Variants in CNTN3 observed in about 807,000 individuals in gnomAD.
CNTN3 encodes contactin-3.
CNTN3 carries 60 observed loss-of-function variants against 119.1 expected under a neutral mutation model. That is an observed-to-expected ratio of 0.50 (90% CI 0.41 to 0.62). The LOEUF is 0.62. Among genes scored for constraint, CNTN3 ranks in the 20% least tolerant of loss-of-function variants. CNTN3 has a pLI of 0.00. For synonymous variants in CNTN3, 450 were observed against 438.7 expected (o/e 1.03, Z -0.32); for missense variants, 1,101 against 1,242.4 (o/e 0.89, Z 1.71).
intron 4 of CNTN3, among the ~76,000 whole-genome samples, chr3:74,480,044 T>C (rs1575767118): frequency 6.6e-6 from 1 of 152,118 alleles, no homozygotes; most frequent in East Asian, 1.9e-4. Flanking sequence ...TGGATATCCT[T>C]TACAAAGTCA....
At chr3:74,290,275 T>C (rs1702199277) in intron 19 of CNTN3, among the ~76,000 whole-genome samples, 1 of 152,242 alleles carries the variant, frequency 6.6e-6, no homozygotes, top group South Asian at 2.1e-4. Flanking sequence ...AGCATGTTAC[T>C]GTACTGAATA....
chr3:74,572,480 G>A (rs375369291), intron 1 of CNTN3, among the ~76,000 whole-genome samples: 3 of 151,870 alleles, frequency 2.0e-5, no homozygotes, highest in South Asian at 2.1e-4. Flanking sequence ...GGAAGAGTTC[G>A]ATCTATTTAT....
At chr3:74,598,746 T>G (rs1559674186) in intron 1 of CNTN3, among the ~76,000 whole-genome samples, 7 of 152,052 alleles carry the variant, frequency 4.6e-5, no homozygotes. Context: ...TCTAGTAATA[T>G]CAACCATTTA....
At chr3:74,486,343 A>G (rs1260077434) in intron 4 of CNTN3, 113 bp downstream of exon 4, 1 of 915,220 alleles carries the variant, frequency 1.1e-6, no homozygotes, top group Non-Finnish European at 1.6e-6. Context: ...TTCTCAGTCT[A>G]TTTACTGAAT....
intron 19 of CNTN3, among the ~76,000 whole-genome samples, chr3:74,288,573 C>T (rs962019127): frequency 3.3e-5 from 5 of 152,128 alleles, no homozygotes; most frequent in African/African-American, 1.2e-4. Context: ...TATTATGGCA[C>T]ATTAATTACA....
intron 5 of CNTN3, among the ~76,000 whole-genome samples, chr3:74,394,440 G>T (rs1336351665): frequency 6.6e-6 from 1 of 152,070 alleles, no homozygotes; most frequent in Non-Finnish European, 1.5e-5. Flanking sequence ...AATGGCAAAA[G>T]ATCTATCATT....
At chr3:74,523,604 C>A (rs1703574343) in intron 1 of CNTN3, among the ~76,000 whole-genome samples, 1 of 151,674 alleles carries the variant, frequency 6.6e-6, no homozygotes, top group Non-Finnish European at 1.5e-5. Context: ...TCGGCAATAA[C>A]AGAATAACAG....
intron 5 of CNTN3, among the ~76,000 whole-genome samples, chr3:74,408,685 T>C (rs923958073): frequency 1.3e-5 from 2 of 152,110 alleles, no homozygotes; most frequent in Admixed American, 6.6e-5. Context: ...ATTTATGTTC[T>C]AGACTTTTCA....
chr3:74,280,330 G>A (rs1701977863), intron 20 of CNTN3, among the ~76,000 whole-genome samples: 1 of 152,094 alleles, frequency 6.6e-6, no homozygotes, highest in Admixed American at 6.6e-5. Context: ...TTTTCCCCAA[G>A]TATACTCACA....
intron 1 of CNTN3, among the ~76,000 whole-genome samples, chr3:74,589,706 C>T (rs1368306176): frequency 6.7e-6 from 1 of 150,226 alleles, no homozygotes; most frequent in East Asian, 1.9e-4. Flanking sequence ...TGGAACCAAC[C>T]CAAATGTCCA....
intron 1 of CNTN3, among the ~76,000 whole-genome samples, chr3:74,594,273 CT>C (rs59436860): frequency 0.055 from 6,209 of 112,070 alleles, 147 homozygotes; most frequent in African/African-American, 0.088. Flanking sequence ...TTCTTTTTTT[CT>C]TTTTTTTTTT....
chr3:74,571,712 T>C (rs141062752), intron 1 of CNTN3, among the ~76,000 whole-genome samples: 60 of 152,258 alleles, frequency 3.9e-4, no homozygotes, highest in African/African-American at 1.4e-3. Context: ...AATCCTGCCA[T>C]TTATTTAGAT....
At chr3:74,282,744 T>C (rs1702038208) in intron 20 of CNTN3, among the ~76,000 whole-genome samples, 1 of 152,192 alleles carries the variant, frequency 6.6e-6, no homozygotes. Context: ...TATTTAGAGC[T>C]ACCAGTAACA....
At chr3:74,323,879 G>T (rs1404507011) in intron 13 of CNTN3, among the ~76,000 whole-genome samples, 1 of 151,880 alleles carries the variant, frequency 6.6e-6, no homozygotes, top group East Asian at 1.9e-4. Flanking sequence ...CCAGAGATGA[G>T]ATTTTTTTTA....
At chr3:74,442,152 C>T (rs11707775) in intron 4 of CNTN3, among the ~76,000 whole-genome samples, 30,762 of 127,482 alleles carry the variant, frequency 0.24, 3,236 homozygotes, top group Admixed American at 0.32. Context: ...CAAGTACACA[C>T]ACACACACAC....
intron 5 of CNTN3, among the ~76,000 whole-genome samples, chr3:74,399,760 G>A (rs1039069642): frequency 6.6e-6 from 1 of 152,088 alleles, no homozygotes; most frequent in Non-Finnish European, 1.5e-5. Context: ...CACTGTTGGT[G>A]GGAGTGTAAG....
chr3:74,607,978 A>G (rs1314820719), intron 1 of CNTN3, among the ~76,000 whole-genome samples: 5 of 152,206 alleles, frequency 3.3e-5, no homozygotes, highest in African/African-American at 1.2e-4. Context: ...ACCAATGTCA[A>G]TTTCCTGGTT....
rs747181445 is a variant in CNTN3, at chr3:74,285,447, C to T, written c.2562G>A (p.Lys854=). 7 of 1,612,926 alleles carry T rather than the reference C, an allele frequency of 4.3e-6. No individual in the cohort carries two copies. The East Asian group carries it at 1.6e-4, about 36-fold the overall frequency. ...NGGGKEESSS[K]MKVAGNETSA... is the part of the protein sequence containing the mutation. ...ATGTCTCATTTCCTGCCACTTTCATCTTACTGGATGATTCCTCCTTTCCAC... is the reference window on the plus strand; with the variant it reads ...ATGTCTCATTTCCTGCCACTTTCATTTTACTGGATGATTCCTCCTTTCCAC... The change falls in exon 20 of 23, where the codon AAG becomes AAA. Residue 854 remains lysine (K), a synonymous_variant. Transcript: ENST00000263665.
chr3:74,496,391 T>C (rs1237515790), intron 3 of CNTN3, among the ~76,000 whole-genome samples: 1 of 152,092 alleles, frequency 6.6e-6, no homozygotes, highest in East Asian at 1.9e-4. Flanking sequence ...TGAGAAGCAG[T>C]TATGATCACA....
Sources: allele counts gnomAD v4.1 joint callset (sites outside exome capture counted in the v4.1 genomes callset), GRCh38; gene constraint gnomAD v4.1.1; transcripts MANE v1.5; gene names NCBI Gene and HGNC (gene_info 2026-07-23, HGNC 2026-07-21).